The following RFX3 variants were observed in gnomAD, a reference collection of about 807,000 sequenced individuals.
RFX3 encodes regulatory factor X3.
In RFX3, 14 loss-of-function variants were observed where a neutral mutation model predicts 98.6. The observed-to-expected ratio is 0.14, with a 90% CI of 0.09 to 0.22. RFX3 has a LOEUF of 0.22. RFX3 is among the 10% of genes least tolerant of loss of function. The pLI, the probability that RFX3 is intolerant of heterozygous loss-of-function variation, is 1.00. For synonymous variants in RFX3, 383 were observed against 328.4 expected (o/e 1.17, Z -1.80); for missense variants, 639 against 926.9 (o/e 0.69, Z 4.03).
intron 15 of RFX3, among the ~76,000 whole-genome samples, chr9:3,244,515 G>A (rs1427482241): frequency 6.6e-6 from 1 of 152,080 alleles, no homozygotes; most frequent in Non-Finnish European, 1.5e-5. Context: ...TGGTCTCCCT[G>A]GTGCTTGAAC....
chr9:3,482,948 T>C (rs543948286), intron 1 of RFX3, among the ~76,000 whole-genome samples: 6 of 152,292 alleles, frequency 3.9e-5, no homozygotes, highest in Admixed American at 2.6e-4. Context: ...GAATTCTCAA[T>C]TAGCTATGGG....
At chr9:3,318,667 G>T (rs1477637031) in intron 4 of RFX3, among the ~76,000 whole-genome samples, 1 of 151,638 alleles carries the variant, frequency 6.6e-6, no homozygotes, top group East Asian at 1.9e-4. Flanking sequence ...TCAAATACAT[G>T]AAATCTTTTC....
At chr9:3,410,985 T>C (rs1842418866) in intron 1 of RFX3, among the ~76,000 whole-genome samples, 1 of 152,146 alleles carries the variant, frequency 6.6e-6, no homozygotes, top group Non-Finnish European at 1.5e-5. Flanking sequence ...GACTCAAAAA[T>C]GGTATTTTCT....
chr9:3,347,100 T>C (rs919919017), intron 2 of RFX3, among the ~76,000 whole-genome samples: 1 of 152,074 alleles, frequency 6.6e-6, no homozygotes, highest in African/African-American at 2.4e-5. Context: ...GTGGGCAGAT[T>C]GCCTGAGCTC....
rs549514447 is a variant in RFX3 at position 3,315,257 on chromosome 9, C to G, written c.475-13637G>C. Among the ~76,000 whole-genome samples the G allele has an allele frequency of 6.6e-5, 10 of 151,168 alleles. No homozygotes were observed. The East Asian group carries it at 1.9e-3, about 29-fold the overall frequency. ...GCTCAACTACATGGAAACTGAACAA[C>G]CTGCTCCTGAATGACTACTGGGTAC... On this transcript the variant is annotated intron_variant, in intron 4 of 16. Coordinates refer to ENST00000617270, the MANE Select transcript of RFX3 (RefSeq NM_001282116.2).
At chr9:3,378,129 C>T (rs2131649178) in intron 2 of RFX3, among the ~76,000 whole-genome samples, 1 of 152,194 alleles carries the variant, frequency 6.6e-6, no homozygotes, top group Non-Finnish European at 1.5e-5. Flanking sequence ...ATAATACATA[C>T]AATAGACATA....
At position 3,504,902 on chromosome 9, in the gene RFX3, A is replaced by T. The variant is rs1217995779; in HGVS notation, c.-9+20845T>A. Reference sequence around the variant, plus strand: ...TATTATATATAATATAACATATATTATATATATATATAATATAACATATAT... The same window carrying T: ...TATTATATATAATATAACATATATTTTATATATATATAATATAACATATAT... On this transcript the variant is annotated intron_variant, in intron 1 of 16. Transcript: ENST00000617270. Among the ~76,000 whole-genome samples, 4 of 53,098 alleles carry T rather than the reference A, an allele frequency of 7.5e-5. 1 individual carries two copies. The highest frequency in any genetic ancestry group is 3.5e-4 in the African/African-American group (3 of 8,644). The allele number at this position is 53,098 out of a possible 152,430, so 34.8% of individuals were successfully genotyped here.
chr9:3,380,081 C>G (rs1428654142), intron 2 of RFX3, among the ~76,000 whole-genome samples: 1 of 151,956 alleles, frequency 6.6e-6, no homozygotes, highest in African/African-American at 2.4e-5. Flanking sequence ...CATGCACCAC[C>G]ATGCCTGGTG....
chr9:3,361,178 A>T (rs1343260976), intron 2 of RFX3, among the ~76,000 whole-genome samples: 1 of 152,182 alleles, frequency 6.6e-6, no homozygotes, highest in Non-Finnish European at 1.5e-5. Flanking sequence ...TGTGAAACAG[A>T]AGGAAAAAGG....
At chr9:3,443,993 G>C (rs1366200179) in intron 1 of RFX3, among the ~76,000 whole-genome samples, 3 of 152,188 alleles carry the variant, frequency 2.0e-5, no homozygotes, top group Admixed American at 6.5e-5. Context: ...AGTGCAAACA[G>C]TCTGTGTAAC....
rs370877041 is a variant in RFX3 at position 3,301,805 on chromosome 9, C to T, written c.475-185G>A. Among the ~76,000 whole-genome samples, 27 of 151,930 alleles carry T rather than the reference C, an allele frequency of 1.8e-4. 1 individual carries two copies. The highest frequency in any genetic ancestry group is 6.3e-4 in the African/African-American group (26 of 41,502). ...CCAGAGAACAAAATAAAAATATGCA[C>T]ACTAATAATAAGCCCATTCACAAAG... On this transcript the variant is annotated intron_variant, in intron 4 of 16. Coordinates refer to ENST00000617270, the MANE Select transcript of RFX3 (RefSeq NM_001282116.2).
chr9:3,483,488 C>A (rs1266856158), intron 1 of RFX3, among the ~76,000 whole-genome samples: 2 of 152,018 alleles, frequency 1.3e-5, no homozygotes, highest in Non-Finnish European at 2.9e-5. Flanking sequence ...ACAGATAATA[C>A]AAAGGAGGGA....
At chr9:3,416,380 G>C (rs538457267) in intron 1 of RFX3, among the ~76,000 whole-genome samples, 7 of 152,048 alleles carry the variant, frequency 4.6e-5, no homozygotes, top group Admixed American at 3.3e-4. Flanking sequence ...ACCTAAAGAC[G>C]GGTATTCATT....
At chr9:3,444,632 C>G (rs1480366049) in intron 1 of RFX3, among the ~76,000 whole-genome samples, 3 of 152,144 alleles carry the variant, frequency 2.0e-5, no homozygotes, top group Non-Finnish European at 4.4e-5. Context: ...ACTGGCAAAA[C>G]TGGGAATACA....
intron 11 of RFX3, among the ~76,000 whole-genome samples, chr9:3,268,851 A>G (rs1824004377): frequency 6.6e-6 from 1 of 151,934 alleles, no homozygotes; most frequent in Admixed American, 6.6e-5. Context: ...GATGTTGTTG[A>G]TTTGCCTCAA....
intron 1 of RFX3, among the ~76,000 whole-genome samples, chr9:3,414,946 A>T (rs1000532206): frequency 3.6e-5 from 5 of 137,594 alleles, no homozygotes; most frequent in Non-Finnish European, 7.6e-5. Flanking sequence ...ATATATACAC[A>T]TATATGTGTG....
intron 1 of RFX3, among the ~76,000 whole-genome samples, chr9:3,415,362 G>A (rs546630613): frequency 2.0e-4 from 30 of 151,606 alleles, no homozygotes; most frequent in Admixed American, 1.4e-3. Context: ...TTAGAGGCGT[G>A]AGCCACCCTG....
intron 4 of RFX3, among the ~76,000 whole-genome samples, chr9:3,322,290 G>A (rs1046420134): frequency 4.6e-5 from 7 of 152,010 alleles, no homozygotes; most frequent in Non-Finnish European, 7.4e-5. Flanking sequence ...TGTATCCCTG[G>A]CGAACTTTAG....
At chr9:3,488,231 G>C (rs1045917892) in intron 1 of RFX3, among the ~76,000 whole-genome samples, 2 of 152,130 alleles carry the variant, frequency 1.3e-5, no homozygotes, top group African/African-American at 2.4e-5. Context: ...GCTTCTCTCA[G>C]ATAATTTAAG....
Sources: allele counts gnomAD v4.1 joint callset (sites outside exome capture counted in the v4.1 genomes callset), GRCh38; gene constraint gnomAD v4.1.1; transcripts MANE v1.5; gene names NCBI Gene and HGNC (gene_info 2026-07-23, HGNC 2026-07-21).